The following HMGN5 variants were observed in gnomAD, a reference collection of about 807,000 sequenced individuals.
HMGN5 encodes the protein high mobility group nucleosome binding domain 5, also known as high mobility group nucleosome-binding domain-containing protein 5.
Under a neutral mutation model 9.5 loss-of-function variants are expected in HMGN5, and 4 were observed. The observed-to-expected ratio is 0.42, with a 90% CI of 0.21 to 0.96. The LOEUF is 0.96. Ranked by LOEUF, HMGN5 falls within the 40% of genes least tolerant of loss-of-function variation. The pLI, the probability that HMGN5 is intolerant of heterozygous loss-of-function variation, is 0.30. For synonymous variants in HMGN5, 55 were observed against 57.1 expected (o/e 0.96, Z 0.16); for missense variants, 192 against 187.5 (o/e 1.02, Z -0.14).
intron 1 of HMGN5, among the ~76,000 whole-genome samples, chrX:81,178,387 G>T (rs781457982): frequency 9.0e-6 from 1 of 111,353 alleles, no homozygotes; most frequent in African/African-American, 3.3e-5. Flanking sequence ...TATCACCACC[G>T]ATCCCACAGA....
chrX:81,193,683 T>C (rs2075500074), intron 1 of HMGN5, among the ~76,000 whole-genome samples: 2 of 112,472 alleles, frequency 1.8e-5, no homozygotes, highest in Non-Finnish European at 1.9e-5. Flanking sequence ...TGCCATTTTT[T>C]ATGGTTGATG....
chrX:81,148,792 AAAC>A (rs772546722), intron 1 of HMGN5, among the ~76,000 whole-genome samples: 16 of 111,956 alleles, frequency 1.4e-4, no homozygotes, highest in Non-Finnish European at 3.0e-4. Context: ...CAAGAAAAAA[AAAC>A]AATCCCATCA....
intron 1 of HMGN5, among the ~76,000 whole-genome samples, chrX:81,142,744 G>C (rs1382234842): frequency 8.9e-6 from 1 of 111,985 alleles, no homozygotes; most frequent in Non-Finnish European, 1.9e-5. Context: ...CAATCAGAAA[G>C]AAAAGGATGT....
At chrX:81,143,792 G>T (rs1000208398) in intron 1 of HMGN5, among the ~76,000 whole-genome samples, 11 of 111,993 alleles carry the variant, frequency 9.8e-5, no homozygotes, top group Non-Finnish European at 3.8e-5. Flanking sequence ...AATCCACCTG[G>T]GATGCTCAAG....
chrX:81,195,090 G>T (rs182565946), intron 1 of HMGN5: 1 of 111,221 alleles, frequency 9.0e-6, no homozygotes, highest in Non-Finnish European at 1.9e-5. Context: ...ATATATAAAG[G>T]GGAATTTATT....
At chrX:81,144,843 C>A (rs766726426) in intron 1 of HMGN5, among the ~76,000 whole-genome samples, 52 of 111,719 alleles carry the variant, frequency 4.7e-4, no homozygotes, top group Non-Finnish European at 8.8e-4. Context: ...ACAAGAACTT[C>A]TTGAAGCATA....
chrX:81,196,568 G>GT (rs1267927970), intron 1 of HMGN5, among the ~76,000 whole-genome samples: 4 of 107,618 alleles, frequency 3.7e-5, no homozygotes, highest in Admixed American at 1.0e-4. Flanking sequence ...GTTTTGTTTT[G>GT]TTTTTTGAGG....
chrX:81,177,788 T>C (rs1333581631), intron 1 of HMGN5, among the ~76,000 whole-genome samples: 1 of 111,671 alleles, frequency 9.0e-6, no homozygotes, highest in Non-Finnish European at 1.9e-5. Context: ...ATCACACTTA[T>C]TCCAAAATTG....
At chrX:81,124,432 G>T (rs1172145299) in intron 1 of HMGN5, among the ~76,000 whole-genome samples, 2 of 112,197 alleles carry the variant, frequency 1.8e-5, no homozygotes, top group East Asian at 5.6e-4. Context: ...TTTGACAAAA[G>T]CCTTCTTCAA....
At chrX:81,163,796 T>C in intron 1 of HMGN5, among the ~76,000 whole-genome samples, 1 of 111,329 alleles carries the variant, frequency 9.0e-6, no homozygotes, top group Non-Finnish European at 1.9e-5. Context: ...ATGTGTACTT[T>C]TAAAAAGTCC....
chrX:81,172,589 C>G (rs1217735422), intron 1 of HMGN5, among the ~76,000 whole-genome samples: 1 of 107,476 alleles, frequency 9.3e-6, no homozygotes, highest in Non-Finnish European at 1.9e-5. Flanking sequence ...AAGAAGGAAA[C>G]AGTGAATTTT....
chrX:81,146,979 C>T (rs920743157), intron 1 of HMGN5, among the ~76,000 whole-genome samples: 5 of 111,763 alleles, frequency 4.5e-5, no homozygotes, highest in African/African-American at 9.8e-5. Flanking sequence ...AGACCAATAA[C>T]AAGCTCAGAA....
intron 1 of HMGN5, among the ~76,000 whole-genome samples, chrX:81,137,747 A>G (rs1334373765): frequency 8.9e-6 from 1 of 111,847 alleles, no homozygotes; most frequent in Non-Finnish European, 1.9e-5. Flanking sequence ...ATTGGAGAAA[A>G]TTGATACAAT....
At chrX:81,186,972 G>A (rs1430729563) in intron 1 of HMGN5, among the ~76,000 whole-genome samples, 1 of 111,497 alleles carries the variant, frequency 9.0e-6, no homozygotes, top group African/African-American at 3.3e-5. Context: ...TCATTCAGGA[G>A]CATATTGTTT....
chrX:81,200,088 GA>G (rs905646994), intron 1 of HMGN5, among the ~76,000 whole-genome samples: 3 of 112,541 alleles, frequency 2.7e-5, no homozygotes, highest in African/African-American at 9.7e-5. Flanking sequence ...TTTCTCAAAA[GA>G]AGACATTTAT....
At chrX:81,185,052 GGTATGTGATTCCTCCA>G (rs2075473450) in intron 1 of HMGN5, among the ~76,000 whole-genome samples, 1 of 111,411 alleles carries the variant, frequency 9.0e-6, no homozygotes, top group Admixed American at 9.5e-5. Flanking sequence ...TTTGAAGTCA[GGTATGTGATTCCTCCA>G]GTTCTGTTCT....
At chrX:81,157,288 C>T (rs867807669) in intron 1 of HMGN5, among the ~76,000 whole-genome samples, 28 of 111,816 alleles carry the variant, frequency 2.5e-4, no homozygotes, top group Admixed American at 1.9e-4. Flanking sequence ...CATAAAGTGG[C>T]TGAATTTTCT....
rs2075391525 is a variant in HMGN5 at position 81,158,979 on chromosome X, A to T, written c.-123-37307T>A. Among the ~76,000 whole-genome samples, 5 of 111,819 alleles carry T rather than the reference A, an allele frequency of 4.5e-5. No individual in the cohort carries two copies. The Admixed American group carries it at 4.8e-4, about 11-fold the overall frequency. ...TTCACAATAGCAGAGACATGGAATCAACCCAAATGTCCATCAATAATAGAC... is the reference window on the plus strand; with the variant it reads ...TTCACAATAGCAGAGACATGGAATCTACCCAAATGTCCATCAATAATAGAC... On this transcript the variant is annotated intron_variant, in intron 1 of 6. Coordinates refer to ENST00000358130, the MANE Select transcript of HMGN5 (RefSeq NM_030763.3).
At chrX:81,169,896 A>T (rs941392105) in intron 1 of HMGN5, among the ~76,000 whole-genome samples, 1 of 109,259 alleles carries the variant, frequency 9.2e-6, no homozygotes, top group Non-Finnish European at 1.9e-5. Flanking sequence ...TCTACAAAAA[A>T]TACAAAAATT....
Sources: allele counts gnomAD v4.1 joint callset (sites outside exome capture counted in the v4.1 genomes callset), GRCh38; gene constraint gnomAD v4.1.1; transcripts MANE v1.5; gene names NCBI Gene and HGNC (gene_info 2026-07-23, HGNC 2026-07-21).